The following IL7 variants were observed in gnomAD, a reference collection of about 807,000 sequenced individuals.
IL7 encodes the protein interleukin 7.
IL7 carries 3 observed loss-of-function variants against 21.6 expected under a neutral mutation model. That is an observed-to-expected ratio of 0.14 (90% CI 0.06 to 0.36). The LOEUF is 0.36. Ranked by LOEUF, IL7 falls within the 10% of genes least tolerant of loss-of-function variation. The probability of loss-of-function intolerance (pLI) is 1.00; values close to 1 mark genes in which losing one functional copy is unlikely to be tolerated. For missense variants in IL7, 175 were observed against 200.2 expected, an observed-to-expected ratio of 0.87 and a Z score of 0.76; for synonymous variants, 62 against 68.1, an observed-to-expected ratio of 0.91 and a Z score of 0.44.
chr8:78,773,041 T>G (rs963708704), intron 2 of IL7, among the ~76,000 whole-genome samples: 2 of 152,196 alleles, frequency 1.3e-5, no homozygotes, highest in Non-Finnish European at 2.9e-5. Flanking sequence ...TTACATTGAT[T>G]GATTTGTTCA....
chr8:78,696,275 C>A (rs1810410734), intron 3 of IL7, among the ~76,000 whole-genome samples: 1 of 152,168 alleles, frequency 6.6e-6, no homozygotes, highest in Admixed American at 6.5e-5. Context: ...ACCTTGTGAT[C>A]CACCTGCCTC....
intron 4 of IL7, among the ~76,000 whole-genome samples, chr8:78,736,959 C>T (rs1001246843): frequency 3.3e-5 from 5 of 152,160 alleles, no homozygotes; most frequent in East Asian, 3.9e-4. Context: ...AAGCTTGTAG[C>T]GTGCCTGGCT....
chr8:78,717,267 G>T, downstream of IL7: 1 of 1,482,570 alleles, frequency 6.7e-7, no homozygotes, highest in African/African-American at 1.4e-5. Context: ...TTTCTCCAGG[G>T]TTATGGGTTG....
At chr8:78,678,447 A>G (rs1190223819) in intron 4 of IL7, 2 of 716,320 alleles carry the variant, frequency 2.8e-6, no homozygotes, top group Admixed American at 2.6e-5. Flanking sequence ...ATTATTTTGT[A>G]TTCAGGTTTT....
chr8:78,688,748 T>C (rs1810107842), intron 3 of IL7, among the ~76,000 whole-genome samples: 1 of 152,156 alleles, frequency 6.6e-6, no homozygotes, highest in Non-Finnish European at 1.5e-5. Flanking sequence ...AAAATAGCAC[T>C]TTAAAGATAA....
intron 4 of IL7, chr8:78,678,707 G>T (rs1809666172): frequency 6.7e-7 from 1 of 1,501,768 alleles, no homozygotes; most frequent in Non-Finnish European, 9.0e-7. Flanking sequence ...TGAACAGTAT[G>T]AACTTTGGTG....
chr8:78,746,740 T>C (rs762612609), intron 2 of IL7, among the ~76,000 whole-genome samples: 1 of 152,214 alleles, frequency 6.6e-6, no homozygotes, highest in Non-Finnish European at 1.5e-5. Flanking sequence ...GGTAAATGCA[T>C]ATTACTGTAT....
At position 78,733,621 on chromosome 8, in the gene IL7, G is replaced by C; in HGVS notation, c.*92C>G. 1 of 1,358,888 alleles carries C rather than the reference G, an allele frequency of 7.4e-7. No homozygotes were observed. The highest frequency in any genetic ancestry group is 1.0e-6 in the Non-Finnish European group (1 of 991,634). The allele number at this position is 1,358,888 out of a possible 1,614,324, so 84.2% of individuals were successfully genotyped here. A position where few individuals can be genotyped will look rare whatever the true frequency, so the allele number is the denominator to read the frequency against. ...ACCATGGTGCATTCAGTAACTTCTAGGAAGCATTCCACTCTGAAAAACTGC... is the reference window on the plus strand; with the variant it reads ...ACCATGGTGCATTCAGTAACTTCTACGAAGCATTCCACTCTGAAAAACTGC... On this transcript the variant is annotated 3_prime_UTR_variant, in exon 6 of 6. Coordinates refer to ENST00000263851, the MANE Select transcript of IL7 (RefSeq NM_000880.4).
chr8:78,686,333 T>A, intron 3 of IL7: 1 of 748,396 alleles, frequency 1.3e-6, no homozygotes. Flanking sequence ...ATTATAAATT[T>A]GAGAAGGATA....
intron 2 of IL7, among the ~76,000 whole-genome samples, chr8:78,790,529 C>T (rs910279185): frequency 1.3e-5 from 2 of 151,922 alleles, no homozygotes; most frequent in African/African-American, 2.4e-5. Context: ...AAAACTACTA[C>T]GTGTAAGATG....
intron 4 of IL7, among the ~76,000 whole-genome samples, chr8:78,685,679 A>G (rs914017565): frequency 6.6e-6 from 1 of 152,234 alleles, no homozygotes; most frequent in African/African-American, 2.4e-5. Context: ...GCTCAGTCTC[A>G]ATCATTATAA....
downstream of IL7, among the ~76,000 whole-genome samples, chr8:78,712,946 G>T (rs2130607784): frequency 6.6e-6 from 1 of 152,270 alleles, no homozygotes; most frequent in East Asian, 1.9e-4. Flanking sequence ...GGTAGGAGAA[G>T]TCTTTAAGAT....
intron 2 of IL7, among the ~76,000 whole-genome samples, chr8:78,783,608 C>T (rs144427619): frequency 2.6e-5 from 4 of 152,104 alleles, no homozygotes; most frequent in Admixed American, 2.0e-4. Context: ...CTACAAGCAG[C>T]GATCTAATTA....
rs535709823 is a variant in IL7 at position 78,783,292 on chromosome 8, A to G, written c.147+14780T>C. Among the ~76,000 whole-genome samples the G allele has an allele frequency of 1.8e-3, 281 of 152,254 alleles. 1 individual carries two copies. Among genetic ancestry groups the G allele is most frequent in the Middle Eastern group, 3.4e-3 (1 of 294 alleles). On this transcript the variant is annotated intron_variant, in intron 2 of 5. Coordinates refer to ENST00000263851, the MANE Select transcript of IL7 (RefSeq NM_000880.4). Reference sequence around the variant, plus strand: ...AGGTTGCACCCATCCACGGAAAAATATGGTTTCCTGGGCAGGATGGCCAAT... The same window carrying G: ...AGGTTGCACCCATCCACGGAAAAATGTGGTTTCCTGGGCAGGATGGCCAAT...
At chr8:78,699,855 T>C (rs1810544894) in intron 3 of IL7, among the ~76,000 whole-genome samples, 3 of 152,192 alleles carry the variant, frequency 2.0e-5, no homozygotes, top group African/African-American at 7.2e-5. Flanking sequence ...ATATTTTCTT[T>C]ATCCAGTATA....
chr8:78,708,681 TTC>T (rs1372091215), intron 3 of IL7, among the ~76,000 whole-genome samples: 1 of 146,548 alleles, frequency 6.8e-6, no homozygotes, highest in Admixed American at 6.8e-5. Flanking sequence ...TCTTTTTTTT[TTC>T]TTTTTTTTTT....
chr8:78,803,831 CTCTA>C (rs1423968991), intron 1 of IL7, among the ~76,000 whole-genome samples: 4 of 152,150 alleles, frequency 2.6e-5, no homozygotes, highest in African/African-American at 9.7e-5. Flanking sequence ...TTTCCGCTCT[CTCTA>C]TCTTTGTTTT....
chr8:78,710,974 A>G (rs1240769043), intron 3 of IL7, among the ~76,000 whole-genome samples: 1 of 152,108 alleles, frequency 6.6e-6, no homozygotes, highest in East Asian at 1.9e-4. Context: ...CATTCTTTTC[A>G]GACACTAAAC....
intron 2 of IL7, among the ~76,000 whole-genome samples, chr8:78,774,770 A>G (rs1813077182): frequency 6.6e-6 from 1 of 152,190 alleles, no homozygotes; most frequent in Non-Finnish European, 1.5e-5. Flanking sequence ...AAATGACTAT[A>G]TTCTTAAATA....
Sources: allele counts gnomAD v4.1 joint callset (sites outside exome capture counted in the v4.1 genomes callset), GRCh38; gene constraint gnomAD v4.1.1; transcripts MANE v1.5; gene names NCBI Gene and HGNC (gene_info 2026-07-23, HGNC 2026-07-21).